The following SPATA13 variants were observed in gnomAD, a reference collection of about 807,000 sequenced individuals.
SPATA13 encodes the protein spermatogenesis-associated protein 13.
SPATA13 carries 50 observed loss-of-function variants against 104.0 expected under a neutral mutation model. The ratio of observed to expected loss-of-function variants is 0.48; its 90% CI spans 0.38 to 0.61. The LOEUF is 0.61. SPATA13 is among the 20% of genes least tolerant of loss of function. The pLI, the probability that SPATA13 is intolerant of heterozygous loss-of-function variation, is 0.00. For missense variants in SPATA13, 1,524 were observed against 1,690.6 expected (o/e 0.90, Z 1.73); for synonymous variants, 606 against 667.5 (o/e 0.91, Z 1.42).
rs766949491 is a variant in SPATA13 at position 24,249,628 on chromosome 13, C to G, written c.1805C>G (p.Ser602Cys). Residue 602 changes from serine (S) to cysteine (C), a missense_variant, in exon 3 of 13, where the codon TCT becomes TGT. Transcript: ENST00000382108. ...DYGQLASRSL[S>C]IPEDSVAADP... ...GGCCAGCTGGCCAGCCGCAGTTTGTCTATTCCTGAAGACTCGGTTGCTGCA... is the reference window on the plus strand; with the variant it reads ...GGCCAGCTGGCCAGCCGCAGTTTGTGTATTCCTGAAGACTCGGTTGCTGCA... 6.2e-7 allele frequency: 1 copy of G among 1,614,126 alleles called. No individual in the cohort carries two copies. Among genetic ancestry groups the G allele is most frequent in the Non-Finnish European group, 8.5e-7 (1 of 1,179,960 alleles).
intron 1 of SPATA13, among the ~76,000 whole-genome samples, chr13:24,167,292 A>G (rs1480265946): frequency 6.6e-6 from 1 of 152,134 alleles, no homozygotes; most frequent in Admixed American, 6.5e-5. Context: ...CTGTTGTGTA[A>G]TGAATGCTCG....
At chr13:24,023,586 CT>C (rs1877079420) in intron 3 of SPATA13, among the ~76,000 whole-genome samples, 1 of 151,934 alleles carries the variant, frequency 6.6e-6, no homozygotes, top group Non-Finnish European at 1.5e-5. Context: ...TCAGCTGATC[CT>C]AAAATAAGGA....
At position 24,223,402 on chromosome 13, in the gene SPATA13, C is replaced by G. The variant is rs1871720222; in HGVS notation, c.473C>G (p.Ala158Gly). The G allele has an allele frequency of 2.6e-6, 4 of 1,551,304 alleles. No individual in the cohort carries two copies. Among genetic ancestry groups the G allele is most frequent in the Non-Finnish European group, 3.5e-6 (4 of 1,146,980 alleles). Residue 158 changes from alanine to glycine, a missense_variant, in exon 2 of 13, where the codon GCA (alanine) becomes GGA (glycine). By Grantham distance (60) the Ala-to-Gly change is moderately conservative (BLOSUM62 0). This residue lies in a region of SPATA13 where 1,089 missense variants were observed against 1,135.9 expected (regional missense o/e 0.96). Coordinates refer to ENST00000382108, the MANE Select transcript of SPATA13 (RefSeq NM_001166271.3). ...AATGGCGCTGTCCCAGGAGCCCAGG[C>G]AAGCAGGGGCTCCCCCTTAGCACCG... The part of the protein sequence containing the change: ...IPNGAVPGAQ[A>G]SRGSPLAPGP...
intron 3 of SPATA13, among the ~76,000 whole-genome samples, chr13:24,066,275 A>T (rs1050755777): frequency 1.3e-5 from 2 of 152,078 alleles, no homozygotes; most frequent in African/African-American, 4.8e-5. Context: ...TCCTTTCCAG[A>T]TATGCCCCAC....
intron 3 of SPATA13, among the ~76,000 whole-genome samples, chr13:24,098,082 C>A (rs116197101): frequency 1.6e-4 from 25 of 151,950 alleles, no homozygotes; most frequent in African/African-American, 5.6e-4. Context: ...AAAGACCAGG[C>A]CCCAGAGAAA....
intron 10 of SPATA13, among the ~76,000 whole-genome samples, chr13:24,295,195 G>T (rs1876679664): frequency 6.6e-6 from 1 of 152,110 alleles, no homozygotes; most frequent in Non-Finnish European, 1.5e-5. Context: ...GTAGAAGTAT[G>T]GGGGACTCTG....
At chr13:24,091,826 C>G (rs1879920298) in intron 3 of SPATA13, among the ~76,000 whole-genome samples, 1 of 152,098 alleles carries the variant, frequency 6.6e-6, no homozygotes, top group African/African-American at 2.4e-5. Flanking sequence ...TTTTGGGGAA[C>G]AGCCAGGCAA....
chr13:24,111,188 C>T (rs1225067341), intron 3 of SPATA13, among the ~76,000 whole-genome samples: 1 of 151,936 alleles, frequency 6.6e-6, no homozygotes, highest in Non-Finnish European at 1.5e-5. Flanking sequence ...CAGATACATG[C>T]ATGAGCCACC....
In SPATA13 at chr13:24,302,802, G is replaced by A; in HGVS notation, c.*29G>A. On this transcript the variant is annotated 3_prime_UTR_variant, in exon 13 of 13. Transcript: ENST00000382108. ...CAGGAGGCTGTGCTTCCATGGAGCT[G>A]GGTGTCAAGAGAAGAACTGTCTTTG... 6 of 1,613,902 alleles carry A rather than the reference G, an allele frequency of 3.7e-6. No individual in the cohort carries two copies. Among genetic ancestry groups the A allele is most frequent in the Non-Finnish European group, 5.1e-6 (6 of 1,179,918 alleles).
intron 1 of SPATA13, among the ~76,000 whole-genome samples, chr13:24,196,062 C>T (rs1220564): frequency 0.52 from 78,669 of 152,028 alleles, 21,231 homozygotes; most frequent in East Asian, 0.67. Context: ...GATTTTAATT[C>T]TTTGGTGCCA....
intron 3 of SPATA13, among the ~76,000 whole-genome samples, chr13:24,154,661 T>C (rs953135683): frequency 6.6e-6 from 1 of 152,188 alleles, no homozygotes; most frequent in African/African-American, 2.4e-5. Flanking sequence ...TTTCACACTT[T>C]TAAGCGAGTT....
In SPATA13 at chr13:24,161,940, T is replaced by TC. The variant is rs1433253758; in HGVS notation, c.-112+1012dup. On this transcript the variant is annotated intron_variant, in intron 1 of 12. Coordinates refer to ENST00000382108, the MANE Select transcript of SPATA13 (RefSeq NM_001166271.3). The surrounding 1 kb of genome is among the most constrained non-coding windows in gnomAD (Gnocchi z 4.5). ...CACCCAGCGATTTGCTCTCCTTTATTCCCCTTGCTAACAGGCGGAGAAATC... is the reference window on the plus strand; with the variant it reads ...CACCCAGCGATTTGCTCTCCTTTATTCCCCCTTGCTAACAGGCGGAGAAATC... 2.0e-5 allele frequency among the ~76,000 whole-genome samples: 3 copies of TC among 152,080 alleles called. No individual in the cohort carries two copies. The highest frequency in any genetic ancestry group is 6.5e-5 in the Admixed American group (1 of 15,276).
chr13:24,123,256 C>T lies in SPATA13; in HGVS notation c.-111-99563C>T, dbSNP rs186066040. ...ACTTGAAGGGCAATGGCAGCTTCCA[C>T]TTTCACAGGCATTTCTCTATCATCA... On this transcript the variant is annotated intron_variant, in intron 3 of 14. Coordinates refer to the SPATA13 transcript ENST00000424834. 1,115 of 1,603,162 alleles carry T rather than the reference C, an allele frequency of 7.0e-4. 6 individuals are homozygous for T. The African/African-American group carries it at 0.013, about 18-fold the overall frequency.
intron 3 of SPATA13, among the ~76,000 whole-genome samples, chr13:24,132,882 C>T (rs113219968): frequency 0.011 from 1,693 of 152,176 alleles, 36 homozygotes; most frequent in African/African-American, 0.038. Context: ...GATGAGGGCA[C>T]GAGAATCACT....
At chr13:24,218,567 AAT>A (rs1477930802) in intron 1 of SPATA13, among the ~76,000 whole-genome samples, 1 of 152,126 alleles carries the variant, frequency 6.6e-6, no homozygotes, top group Non-Finnish European at 1.5e-5. Context: ...TTTGGATTTC[AAT>A]ATGTTTTCTT....
chr13:24,093,040 G>A (rs1352589633), intron 3 of SPATA13, among the ~76,000 whole-genome samples: 1 of 152,162 alleles, frequency 6.6e-6, no homozygotes, highest in Non-Finnish European at 1.5e-5. Context: ...GTAAAACAAT[G>A]GGCACGATCA....
At position 24,190,282 on chromosome 13, in the gene SPATA13, A is replaced by G. The variant is rs61946657; in HGVS notation, c.-112+29350A>G. Among the ~76,000 whole-genome samples, 30 of 10,912 alleles carry G rather than the reference A, an allele frequency of 2.7e-3. 5 individuals carry two copies. Among genetic ancestry groups the G allele is most frequent in the African/African-American group, 3.1e-3 (30 of 9,754 alleles). 7.2% of individuals were successfully genotyped at this position (10,912 alleles called of 152,430 possible). A position where few individuals can be genotyped will look rare whatever the true frequency, so the allele number is the denominator to read the frequency against. On this transcript the variant is annotated intron_variant, in intron 1 of 12. Coordinates refer to ENST00000382108, the MANE Select transcript of SPATA13 (RefSeq NM_001166271.3). ...ATACATAATATATATTATTATATAT[A>G]ATATATAATATTATATATTATTATA...
intron 3 of SPATA13, among the ~76,000 whole-genome samples, chr13:24,143,503 C>T (rs1241994345): frequency 6.6e-6 from 1 of 152,212 alleles, no homozygotes; most frequent in Non-Finnish European, 1.5e-5. Context: ...ATAGTTACTT[C>T]TATTTTTGCA....
At chr13:24,248,663 T>C (rs1427590822) in intron 2 of SPATA13, among the ~76,000 whole-genome samples, 1 of 152,158 alleles carries the variant, frequency 6.6e-6, no homozygotes, top group Non-Finnish European at 1.5e-5. Flanking sequence ...CTGGAGGCTG[T>C]TGGTGGGAGC....
Sources: allele counts gnomAD v4.1 joint callset (sites outside exome capture counted in the v4.1 genomes callset), GRCh38; gene constraint gnomAD v4.1.1; regional missense constraint gnomAD v4.1.1; non-coding constraint Gnocchi (gnomAD v3.1); transcripts MANE v1.5; gene names NCBI Gene and HGNC (gene_info 2026-07-23, HGNC 2026-07-21).